DNAJC10: variants seen among roughly 807,000 people sequenced by gnomAD.
The protein encoded by DNAJC10 is endoplasmic reticulum disulfide reductase DNAJC10.
DNAJC10 carries 101 observed loss-of-function variants against 115.0 expected under a neutral mutation model. The ratio of observed to expected loss-of-function variants is 0.88; its 90% CI spans 0.75 to 1.04. The LOEUF is 1.04. Among genes scored for constraint, DNAJC10 ranks in the 50% least tolerant of loss-of-function variants. The probability of loss-of-function intolerance (pLI) is 0.00; values close to 1 mark genes in which losing one functional copy is unlikely to be tolerated. For missense variants in DNAJC10, 981 were observed against 928.8 expected (o/e 1.06, Z -0.73); for synonymous variants, 307 against 301.5 (o/e 1.02, Z -0.19).
Position 182,729,790 on chromosome 2 carries a change from T to G in DNAJC10, c.634-58T>G, listed in dbSNP as rs1173378182. The G allele has an allele frequency of 4.7e-5, 54 of 1,139,160 alleles. No homozygotes were observed. In the Admixed American group the frequency reaches 1.2e-3, roughly 24 times the overall value. The allele number at this position is 1,139,160 out of a possible 1,614,324, so 70.6% of individuals were successfully genotyped here. ...AAAATCAAACTCTTTGGTATTATTT[T>G]TATTGAGTTTTAAAAAGAAAAAGTA... On this transcript the variant is annotated intron_variant, in intron 7 of 23. Coordinates refer to ENST00000264065, the MANE Select transcript of DNAJC10 (RefSeq NM_018981.4).
intron 22 of DNAJC10, among the ~76,000 whole-genome samples, chr2:182,770,283 G>A (rs1559026669): frequency 6.6e-6 from 1 of 152,132 alleles, no homozygotes; most frequent in Non-Finnish European, 1.5e-5. Flanking sequence ...GCTTAGGATT[G>A]TCTTGGCAAT....
At chr2:182,775,487 A>G (rs896214264) in intron 23 of DNAJC10, 67 bp downstream of exon 23, 8 of 894,194 alleles carry the variant, frequency 8.9e-6, no homozygotes, top group South Asian at 3.0e-5. Context: ...TATTTTTCCT[A>G]TACATTACAT....
chr2:182,776,286 G>A (rs1042461621), intron 23 of DNAJC10, among the ~76,000 whole-genome samples: 1 of 152,182 alleles, frequency 6.6e-6, no homozygotes, highest in African/African-American at 2.4e-5. Flanking sequence ...TAATCAGAAT[G>A]TATTGAAACC....
Position 182,759,245 on chromosome 2 carries a change from T to C in DNAJC10, c.2083T>C (p.Phe695Leu). The change falls in exon 21 of 24, where the codon TTC (phenylalanine) becomes CTC (leucine). Residue 695 changes from phenylalanine (F) to leucine (L), a missense_variant. By Grantham distance (22) the Phe-to-Leu change is conservative. Transcript: ENST00000264065. ...AGGGAAAAATCATTGGGTGATTGAT[T>C]TCTATGCTCCTTGGTGTGGACCTTG... is the stretch of plus-strand genomic sequence containing the variant. ...LQGKNHWVID[F>L]YAPWCGPCQN... 1 of 1,612,470 alleles carries C rather than the reference T, an allele frequency of 6.2e-7. No homozygotes were observed. The highest frequency in any genetic ancestry group is 1.7e-5 in the Admixed American group (1 of 59,568).
chr2:182,793,885 A>G lies in DNAJC10; in HGVS notation c.*16753A>G, dbSNP rs1208709423. 2 of 151,298 alleles carry G rather than the reference A, an allele frequency of 1.3e-5. No homozygotes were observed. Among genetic ancestry groups the G allele is most frequent in the East Asian group, 1.9e-4 (1 of 5,182 alleles). The allele number at this position is 151,298 out of a possible 1,614,324, so 9.4% of individuals were successfully genotyped here. A position where few individuals can be genotyped will look rare whatever the true frequency, so the allele number is the denominator to read the frequency against. ...ACACACTACCTACAAAAAAATAACAATTAGAAAGTAATTGGAGCTTGAAGT... is the reference window on the plus strand; with the variant it reads ...ACACACTACCTACAAAAAAATAACAGTTAGAAAGTAATTGGAGCTTGAAGT... On this transcript the variant is annotated 3_prime_UTR_variant, in exon 24 of 24. Transcript: ENST00000264065.
intron 21 of DNAJC10, among the ~76,000 whole-genome samples, chr2:182,760,934 T>C (rs1694271670): frequency 6.6e-6 from 1 of 152,204 alleles, no homozygotes; most frequent in African/African-American, 2.4e-5. Context: ...CCATTTCTCA[T>C]GTACTAAAAA....
rs1157599623 is a variant in DNAJC10 at position 182,792,440 on chromosome 2, T to A, written c.*15308T>A. 6.6e-6 allele frequency: 1 copy of A among 152,240 alleles called. No homozygotes were observed. The highest frequency in any genetic ancestry group is 2.1e-4 in the South Asian group (1 of 4,836). 9.4% of individuals were successfully genotyped at this position (152,240 alleles called of 1,614,324 possible). ...ACAGCTGTTATAAACCCTGGTAGAA[T>A]TGATTGGTTTCCTTTTCAGCTTCCT... On this transcript the variant is annotated 3_prime_UTR_variant, in exon 24 of 24. Coordinates refer to ENST00000264065, the MANE Select transcript of DNAJC10 (RefSeq NM_018981.4).
intron 7 of DNAJC10, among the ~76,000 whole-genome samples, chr2:182,729,457 A>C (rs991153969): frequency 6.6e-6 from 1 of 152,136 alleles, no homozygotes; most frequent in Non-Finnish European, 1.5e-5. Flanking sequence ...CAAAAAAAAC[A>C]CCATTGACTT....
rs1166381357 is a variant in DNAJC10 at position 182,782,959 on chromosome 2, A to G, written c.*5827A>G. The G allele has an allele frequency of 6.6e-6, 1 of 152,148 alleles. No homozygotes were observed. The highest frequency in any genetic ancestry group is 1.5e-5 in the Non-Finnish European group (1 of 68,028). 9.4% of individuals were successfully genotyped at this position (152,148 alleles called of 1,614,324 possible). On this transcript the variant is annotated 3_prime_UTR_variant, in exon 24 of 24. Coordinates refer to ENST00000264065, the MANE Select transcript of DNAJC10 (RefSeq NM_018981.4). ...GAACTTCCAGTACATAGGAGTGGTG[A>G]GAGAGGGCATCCTTGTCTTGTGCCG... is the stretch of plus-strand genomic sequence containing the variant.
chr2:182,785,649 A>T lies in DNAJC10; in HGVS notation c.*8517A>T, dbSNP rs1694932523. On this transcript the variant is annotated 3_prime_UTR_variant, in exon 24 of 24. Coordinates refer to ENST00000264065, the MANE Select transcript of DNAJC10 (RefSeq NM_018981.4). Reference sequence around the variant, plus strand: ...TGGTATGATTTCTTTAATGAAAAAGACAGAGAAAGGTATCGTATAGCTTAA... The same window carrying T: ...TGGTATGATTTCTTTAATGAAAAAGTCAGAGAAAGGTATCGTATAGCTTAA... 6.6e-6 allele frequency: 1 copy of T among 152,096 alleles called. No individual in the cohort carries two copies. The highest frequency in any genetic ancestry group is 1.5e-5 in the Non-Finnish European group (1 of 68,010). The allele number at this position is 152,096 out of a possible 1,614,324, so 9.4% of individuals were successfully genotyped here.
chr2:182,765,371 G>T (rs752305819), intron 22 of DNAJC10, among the ~76,000 whole-genome samples: 2 of 152,126 alleles, frequency 1.3e-5, no homozygotes, highest in Non-Finnish European at 2.9e-5. Context: ...AGGCAGGTCA[G>T]CATCCCACCA....
rs893807282 is a variant in DNAJC10, at chr2:182,790,215, G to A, written c.*13083G>A. 5.9e-5 allele frequency: 9 copies of A among 152,100 alleles called. No homozygotes were observed. The highest frequency in any genetic ancestry group is 2.2e-4 in the African/African-American group (9 of 41,416). 9.4% of individuals were successfully genotyped at this position (152,100 alleles called of 1,614,324 possible). A position where few individuals can be genotyped will look rare whatever the true frequency, so the allele number is the denominator to read the frequency against. On this transcript the variant is annotated 3_prime_UTR_variant, in exon 24 of 24. Transcript: ENST00000264065. ...ATATTATTCTCTGATTATTCCATAT[G>A]TTATCTTCCAAACTAGATTGTTAGG...
At chr2:182,749,584 G>T (rs896849145) in intron 14 of DNAJC10, among the ~76,000 whole-genome samples, 2 of 151,606 alleles carry the variant, frequency 1.3e-5, no homozygotes, top group Admixed American at 1.3e-4. Context: ...GAATACAGCA[G>T]ACTGATGGGT....
rs1345809987 is a variant in DNAJC10, at chr2:182,716,999, CATT to C, written c.-203-14_-203-12del. ...TTTGGATACTTGTTAATCTCTACAT[CATT>C]ATATTTTTCAAAGGTATATTTTTGT... On this transcript the variant is annotated splice_polypyrimidine_tract_variant and intron_variant, in intron 1 of 23. Coordinates refer to ENST00000264065, the MANE Select transcript of DNAJC10 (RefSeq NM_018981.4). The C allele has an allele frequency of 1.3e-5, 2 of 152,106 alleles. No homozygotes were observed. The highest frequency in any genetic ancestry group is 2.9e-5 in the Non-Finnish European group (2 of 68,018). 9.4% of individuals were successfully genotyped at this position (152,106 alleles called of 1,614,324 possible).
chr2:182,769,651 T>G (rs1263992555), intron 22 of DNAJC10, among the ~76,000 whole-genome samples: 1 of 152,224 alleles, frequency 6.6e-6, no homozygotes, highest in Non-Finnish European at 1.5e-5. Context: ...TTCATATCCT[T>G]TGCCCACTTT....
chr2:182,736,704 G>A (rs995467222), intron 11 of DNAJC10, among the ~76,000 whole-genome samples: 2 of 152,048 alleles, frequency 1.3e-5, no homozygotes, highest in African/African-American at 2.4e-5. Context: ...TGGGTTATAC[G>A]AAAGAGCATT....
chr2:182,767,593 AC>A (rs1204687529), intron 22 of DNAJC10, among the ~76,000 whole-genome samples: 3 of 151,928 alleles, frequency 2.0e-5, no homozygotes, highest in Non-Finnish European at 2.9e-5. Context: ...CGTCGAGGGC[AC>A]CACTTGCAGA....
chr2:182,735,074 T>C (rs906055912), intron 10 of DNAJC10, among the ~76,000 whole-genome samples: 1 of 151,578 alleles, frequency 6.6e-6, no homozygotes, highest in African/African-American at 2.4e-5. Context: ...GTTAGTTTTA[T>C]ATTTGTCCTA....
At chr2:182,754,175 A>C (rs1694099461) in intron 16 of DNAJC10, among the ~76,000 whole-genome samples, 1 of 152,228 alleles carries the variant, frequency 6.6e-6, no homozygotes, top group African/African-American at 2.4e-5. Context: ...ACACATAGTT[A>C]AATTTTAGCT....
Sources: allele counts gnomAD v4.1 joint callset (sites outside exome capture counted in the v4.1 genomes callset), GRCh38; gene constraint gnomAD v4.1.1; transcripts MANE v1.5; gene names NCBI Gene and HGNC (gene_info 2026-07-23, HGNC 2026-07-21).